ERP27: variants seen among roughly 807,000 people sequenced by gnomAD.
The protein encoded by ERP27 is endoplasmic reticulum protein 27.
A neutral mutation model predicts 27.7 loss-of-function variants in ERP27; 23 were observed. That is an observed-to-expected ratio of 0.83 (90% confidence interval 0.60 to 1.18). The LOEUF (loss-of-function observed/expected upper bound fraction) is 1.18. Among genes scored for constraint, ERP27 ranks in the 50% most tolerant of loss-of-function variants. The pLI is 0.00. For missense variants in ERP27, 363 were observed against 327.9 expected (o/e 1.11, Z -0.83); for synonymous variants, 159 against 118.3 (o/e 1.34, Z -2.23).
At chr12:14,933,245 T>C (rs1281036564) in intron 3 of ERP27, among the ~76,000 whole-genome samples, 1 of 152,082 alleles carries the variant, frequency 6.6e-6, no homozygotes, top group Non-Finnish European at 1.5e-5. Flanking sequence ...GTAAAAAGTG[T>C]TGGGTCAGGC....
Position 14,914,364 on chromosome 12 carries a change from C to T in ERP27, c.*371G>A. ...CTTGATATTAAATGACAAATTGGAA[C>T]AATCTTTCTCTAGGAATGCCTCTCT... On this transcript the variant is annotated 3_prime_UTR_variant, in exon 7 of 7. Coordinates refer to ENST00000266397, the MANE Select transcript of ERP27 (RefSeq NM_152321.4). 4.8e-6 allele frequency: 1 copy of T among 209,338 alleles called. No individual in the cohort carries two copies. The highest frequency in any genetic ancestry group is 9.5e-6 in the Non-Finnish European group (1 of 105,000). 13.0% of individuals were successfully genotyped at this position (209,338 alleles called of 1,614,324 possible). A position where few individuals can be genotyped will look rare whatever the true frequency, so the allele number is the denominator to read the frequency against.
chr12:14,926,449 G>T (rs1225848217), intron 3 of ERP27, among the ~76,000 whole-genome samples: 5 of 152,086 alleles, frequency 3.3e-5, no homozygotes, highest in Non-Finnish European at 2.9e-5. Flanking sequence ...TGAAATTACT[G>T]GTGTATTTAA....
intron 3 of ERP27, among the ~76,000 whole-genome samples, chr12:14,933,649 T>C (rs1863730787): frequency 6.6e-6 from 1 of 152,156 alleles, no homozygotes; most frequent in African/African-American, 2.4e-5. Context: ...TTTCCATCAA[T>C]TTACTCTTTT....
In ERP27 at chr12:14,929,191, G is replaced by A. The variant is rs553350872; in HGVS notation, c.333+5665C>T. ...CAGTCCTTCATACTTCCCAGAACAG[G>A]GAGAACAAGAAAAGCCAGTTACTCT... is the stretch of plus-strand genomic sequence containing the variant. On this transcript the variant is annotated intron_variant, in intron 3 of 6. Transcript: ENST00000266397. 1.7e-5 allele frequency: 22 copies of A among 1,305,068 alleles called. No individual in the cohort carries two copies. The East Asian group carries it at 5.5e-4, about 33-fold the overall frequency. 80.8% of individuals were successfully genotyped at this position (1,305,068 alleles called of 1,614,324 possible). A position where few individuals can be genotyped will look rare whatever the true frequency, so the allele number is the denominator to read the frequency against.
chr12:14,927,623 A>T (rs1032798810), intron 3 of ERP27, among the ~76,000 whole-genome samples: 1 of 152,100 alleles, frequency 6.6e-6, no homozygotes, highest in African/African-American at 2.4e-5. Context: ...TCTAGAACTG[A>T]CCAAAGCCGT....
intron 6 of ERP27, among the ~76,000 whole-genome samples, 185 bp downstream of exon 6, chr12:14,915,304 T>C (rs921008862): frequency 5.3e-5 from 8 of 152,190 alleles, no homozygotes; most frequent in Non-Finnish European, 1.0e-4. Flanking sequence ...AATACATTGT[T>C]CTTAATGACA....
chr12:14,924,651 A>G (rs770223145), intron 3 of ERP27, among the ~76,000 whole-genome samples: 17 of 152,140 alleles, frequency 1.1e-4, no homozygotes, highest in Admixed American at 6.5e-4. Flanking sequence ...GACTTGACCT[A>G]TGTGCTCCTT....
At chr12:14,938,306 G>A in intron 1 of ERP27, 109 bp downstream of exon 1, 2 of 1,178,828 alleles carry the variant, frequency 1.7e-6, no homozygotes, top group Non-Finnish European at 2.5e-6. Flanking sequence ...GGATTTCCTG[G>A]AAAGCTTTCT....
At chr12:14,926,059 ACT>A (rs1183497219) in intron 3 of ERP27, among the ~76,000 whole-genome samples, 5 of 150,248 alleles carry the variant, frequency 3.3e-5, no homozygotes, top group African/African-American at 1.2e-4. Context: ...ACAGAGCAAG[ACT>A]CTGTCTCCAA....
At chr12:14,938,246 G>A (rs973411086) in intron 1 of ERP27, among the ~76,000 whole-genome samples, 169 bp downstream of exon 1, 2 of 151,302 alleles carry the variant, frequency 1.3e-5, no homozygotes, top group African/African-American at 2.4e-5. Flanking sequence ...TGTCTCTGAA[G>A]GATACTGCCA....
chr12:14,923,606 T>G (rs756107492), intron 3 of ERP27, among the ~76,000 whole-genome samples: 2 of 152,032 alleles, frequency 1.3e-5, no homozygotes, highest in Non-Finnish European at 2.9e-5. Context: ...ACCAACTATA[T>G]TGCAAATAAT....
intron 4 of ERP27, among the ~76,000 whole-genome samples, chr12:14,920,313 C>A (rs1207558436): frequency 1.3e-5 from 2 of 152,136 alleles, no homozygotes; most frequent in African/African-American, 4.8e-5. Context: ...TAGGCACTTG[C>A]TAGTCAAAGC....
intron 3 of ERP27, among the ~76,000 whole-genome samples, chr12:14,934,538 C>G (rs952127218): frequency 6.6e-6 from 1 of 152,208 alleles, no homozygotes; most frequent in Non-Finnish European, 1.5e-5. Context: ...AGAGATAATA[C>G]AGTCTAACTC....
At chr12:14,930,319 A>G (rs1233913089) in intron 3 of ERP27, among the ~76,000 whole-genome samples, 1 of 152,174 alleles carries the variant, frequency 6.6e-6, no homozygotes, top group Non-Finnish European at 1.5e-5. Context: ...TATAATAGTT[A>G]CCCAATAAAT....
intron 4 of ERP27, among the ~76,000 whole-genome samples, chr12:14,918,518 C>T (rs1863449638): frequency 6.6e-6 from 1 of 152,200 alleles, no homozygotes; most frequent in Non-Finnish European, 1.5e-5. Flanking sequence ...TTTCACTGTC[C>T]TGAAATAATG....
chr12:14,925,732 A>G (rs1235171336), intron 3 of ERP27, among the ~76,000 whole-genome samples: 1 of 152,000 alleles, frequency 6.6e-6, no homozygotes, highest in African/African-American at 2.4e-5. Context: ...TATAGTTGAA[A>G]TTTTCTATAT....
intron 3 of ERP27, chr12:14,929,149 C>T: frequency 1.4e-6 from 2 of 1,420,456 alleles, no homozygotes; most frequent in Admixed American, 2.6e-5. Flanking sequence ...CCCCCCCTCC[C>T]TGTACTCTTT....
chr12:14,934,608 T>C (rs1863747458), intron 3 of ERP27, among the ~76,000 whole-genome samples: 1 of 152,216 alleles, frequency 6.6e-6, no homozygotes, highest in African/African-American at 2.4e-5. Context: ...CCCAAAGTCA[T>C]GTGGCTGTTG....
chr12:14,929,719 CA>C (rs1452009367), intron 3 of ERP27, among the ~76,000 whole-genome samples: 22 of 152,034 alleles, frequency 1.4e-4, no homozygotes, highest in African/African-American at 5.3e-4. Context: ...TACATCATAC[CA>C]ATCACTCATT....
Sources: gnomAD v4.1 joint callset for allele counts (sites outside exome capture counted in the v4.1 genomes callset) on GRCh38, gnomAD v4.1.1 for gene constraint, MANE v1.5 for transcripts, NCBI Gene and HGNC (gene_info 2026-07-23, HGNC 2026-07-21) for gene names.